The following RBBP6 variants were observed in gnomAD, a reference collection of about 807,000 sequenced individuals.
The protein encoded by RBBP6 is RB binding protein 6, ubiquitin ligase.
A neutral mutation model predicts 167.7 loss-of-function variants in RBBP6; 25 were observed. The observed-to-expected ratio is 0.15, with a 90% CI of 0.11 to 0.21. The LOEUF is 0.21. Among genes scored for constraint, RBBP6 ranks in the 10% least tolerant of loss-of-function variants. The pLI is 1.00. For synonymous variants in RBBP6, 789 were observed against 735.8 expected (o/e 1.07, Z -1.17); for missense variants, 1,868 against 2,134.2 (o/e 0.88, Z 2.46).
rs1899341484 is a variant in RBBP6, at chr16:24,571,668, T to C, written c.4602T>C (p.Ser1534=). 4 of 1,613,918 alleles carry C rather than the reference T, an allele frequency of 2.5e-6. No individual in the cohort carries two copies. The highest frequency in any genetic ancestry group is 3.4e-6 in the Non-Finnish European group (4 of 1,179,968). Residue 1534 remains serine, a synonymous_variant, in exon 18 of 18, where the codon TCT becomes TCC. Transcript: ENST00000319715. ...KGTGDSKKSN[S]SPSRDRKPHD... ...CAGGAGATTCCAAAAAAAGTAATTC[T>C]AGTCCCTCAAGAGACAGAAAACCTC... is the stretch of plus-strand genomic sequence containing the variant.
At position 24,562,035 on chromosome 16, in the gene RBBP6, C is replaced by G. The variant is rs1413216949; in HGVS notation, c.1163C>G (p.Thr388Ser). 1 of 1,612,936 alleles carries G rather than the reference C, an allele frequency of 6.2e-7. No homozygotes were observed. The highest frequency in any genetic ancestry group is 8.5e-7 in the Non-Finnish European group (1 of 1,178,882). Residue 388 changes from threonine (T) to serine (S), a missense_variant, in exon 10 of 18, where the codon ACT becomes AGT. Coordinates refer to ENST00000319715, the MANE Select transcript of RBBP6 (RefSeq NM_006910.5). ...THPAPSISSLTSNQSSLAPPV... is the reference protein window; with the variant it reads ...THPAPSISSLSSNQSSLAPPV... Reference sequence around the variant, plus strand: ...CCAGCTCCGTCTATATCTTCATTAACTTCTAATCAGTCTTCCTTGGCCCCT... The same window carrying G: ...CCAGCTCCGTCTATATCTTCATTAAGTTCTAATCAGTCTTCCTTGGCCCCT...
At chr16:24,540,898 C>T in intron 1 of RBBP6, 106 bp downstream of exon 1, 1 of 1,333,620 alleles carries the variant, frequency 7.5e-7, no homozygotes. Context: ...GGGGACTGTT[C>T]GTTCTAGTAC....
intron 10 of RBBP6, among the ~76,000 whole-genome samples, chr16:24,562,970 T>G (rs147277649): frequency 1.3e-5 from 2 of 151,744 alleles, no homozygotes; most frequent in East Asian, 3.9e-4. Context: ...CTGATTTCTG[T>G]CATAACTGTA....
intron 8 of RBBP6, 49 bp from the exon 9 acceptor site, chr16:24,561,563 C>CTT (rs34473709): frequency 6.8e-7 from 1 of 1,477,264 alleles, no homozygotes; most frequent in South Asian, 1.2e-5. Context: ...TTCGTAAACA[C>CTT]TTTGAGTTCC....
At chr16:24,567,553 TA>T in intron 15 of RBBP6, 48 bp downstream of exon 15, 1 of 1,527,454 alleles carries the variant, frequency 6.5e-7, no homozygotes. Flanking sequence ...CATTTTCTGA[TA>T]ATAACATTAA....
chr16:24,547,862 A>AT (rs1323366261), intron 2 of RBBP6, among the ~76,000 whole-genome samples: 3 of 152,286 alleles, frequency 2.0e-5, no homozygotes, highest in African/African-American at 7.2e-5. Context: ...TTTTCTGTAG[A>AT]TTTTTTGATA....
Position 24,569,762 on chromosome 16 carries a change from T to C in RBBP6, c.3072T>C (p.Asp1024=). The C allele has an allele frequency of 6.2e-7, 1 of 1,613,958 alleles. No homozygotes were observed. The highest frequency in any genetic ancestry group is 1.3e-5 in the African/African-American group (1 of 75,022). ...AKGDKTKRKN[D]GSAVSKKENI... ...GTGATAAAACCAAACGGAAGAATGA[T>C]GGATCTGCTGTGTCCAAAAAAGAAA... The change falls in exon 17 of 18, where the codon GAT becomes GAC. Residue 1024 remains aspartate, a synonymous_variant. Transcript: ENST00000319715.
chr16:24,556,458 A>G lies in RBBP6; in HGVS notation c.674+11A>G. 6.2e-7 allele frequency: 1 copy of G among 1,610,998 alleles called. No homozygotes were observed. Among genetic ancestry groups the G allele is most frequent in the Non-Finnish European group, 8.5e-7 (1 of 1,178,654 alleles). On this transcript the variant is annotated intron_variant, in intron 7 of 17. Transcript: ENST00000319715. ...ACCAACTATAGATGCGTAAGTATGC[A>G]AATTAGGTATGACCTGTGGAGACTC... is the stretch of plus-strand genomic sequence containing the variant.
At chr16:24,547,052 G>A (rs556599621) in intron 2 of RBBP6, among the ~76,000 whole-genome samples, 1 of 152,288 alleles carries the variant, frequency 6.6e-6, no homozygotes, top group South Asian at 2.1e-4. Context: ...TATGTGAAAA[G>A]GGCAGCAACA....
At chr16:24,556,584 T>TA in intron 7 of RBBP6, 137 bp downstream of exon 7, 1 of 1,003,832 alleles carries the variant, frequency 1.0e-6, no homozygotes, top group Non-Finnish European at 1.3e-6. Flanking sequence ...CTCTACATCT[T>TA]GCATTTCTGT....
Position 24,555,819 on chromosome 16 carries a change from A to T in RBBP6, c.438-2A>T. On this transcript the variant is annotated splice_acceptor_variant, in intron 5 of 17. Coordinates refer to ENST00000319715, the MANE Select transcript of RBBP6 (RefSeq NM_006910.5). LOFTEE classifies it high-confidence loss of function. ...ACATGTAATTTTTTTTCCCCCTTTT[A>T]GTTACATGAAGAAACCTCTAGGTCC... 6.2e-7 allele frequency: 1 copy of T among 1,603,254 alleles called. No homozygotes were observed. The highest frequency in any genetic ancestry group is 8.5e-7 in the Non-Finnish European group (1 of 1,170,362).
rs1293866223 is a variant in RBBP6, at chr16:24,561,899, A to G, written c.1027A>G (p.Ile343Val). Reference protein sequence around the residue: ...RKQLPPPPPPIPPPRPLIQRN... With the variant: ...RKQLPPPPPPVPPPRPLIQRN... ...ACAGTTACCTCCTCCACCACCCCCAATACCACCTCCGAGACCACTGATTCA... is the reference window on the plus strand; with the variant it reads ...ACAGTTACCTCCTCCACCACCCCCAGTACCACCTCCGAGACCACTGATTCA... Residue 343 changes from isoleucine to valine, a missense_variant, in exon 10 of 18, where the codon ATA becomes GTA. This residue lies in a region of RBBP6 where 245 missense variants were observed against 240.1 expected (regional missense o/e 1.02). Transcript: ENST00000319715. 12 of 1,613,972 alleles carry G rather than the reference A, an allele frequency of 7.4e-6. No individual in the cohort carries two copies. Among genetic ancestry groups the G allele is most frequent in the Middle Eastern group, 1.6e-4 (1 of 6,062 alleles).
intron 8 of RBBP6, among the ~76,000 whole-genome samples, chr16:24,560,059 T>G (rs1429080341): frequency 6.6e-6 from 1 of 152,042 alleles, no homozygotes; most frequent in East Asian, 1.9e-4. Flanking sequence ...TGTGAATAGC[T>G]TATCCTAATA....
chr16:24,556,113 A>G (rs1052412579), intron 6 of RBBP6, among the ~76,000 whole-genome samples, 195 bp from the exon 7 acceptor site: 2 of 152,206 alleles, frequency 1.3e-5, no homozygotes, highest in Non-Finnish European at 2.9e-5. Context: ...CTTGATCTCT[A>G]TAAGCCTGTT....
intron 15 of RBBP6, 119 bp downstream of exon 15, chr16:24,567,624 T>G: frequency 7.4e-7 from 1 of 1,359,780 alleles, no homozygotes. Context: ...CACCTAAAAT[T>G]TAAACCAAAG....
chr16:24,558,356 T>C (rs1898968171), intron 7 of RBBP6: 1 of 546,708 alleles, frequency 1.8e-6, no homozygotes, highest in Non-Finnish European at 2.3e-6. Context: ...TCTGTTTCTT[T>C]TTCTATCCTC....
At chr16:24,570,850 T>C in intron 17 of RBBP6, 26 bp from the exon 18 acceptor site, 1 of 1,394,422 alleles carries the variant, frequency 7.2e-7, no homozygotes, top group Non-Finnish European at 9.4e-7. Flanking sequence ...CTTCATTAAT[T>C]AAAAATATTT....
In RBBP6 at chr16:24,561,996, C is replaced by T. The variant is rs1351626730; in HGVS notation, c.1124C>T (p.Ser375Phe). The T allele has an allele frequency of 6.2e-7, 1 of 1,613,616 alleles. No individual in the cohort carries two copies. Among genetic ancestry groups the T allele is most frequent in the East Asian group, 2.2e-5 (1 of 44,878 alleles). Residue 375 changes from serine to phenylalanine, a missense_variant, in exon 10 of 18, where the codon TCT becomes TTT. Ser to Phe is a radical substitution (Grantham distance 155). This residue lies in a region of RBBP6 where 245 missense variants were observed against 240.1 expected (regional missense o/e 1.02). Transcript: ENST00000319715. ...QQDPLMIPVT[S>F]SSTHPAPSIS... The stretch of plus-strand genomic sequence containing the variant: ...GATCCTCTTATGATTCCAGTGACAT[C>T]TTCATCAACTCACCCAGCTCCGTCT...
chr16:24,572,259 AAAG>A lies in RBBP6; in HGVS notation c.5197_5199del (p.Lys1733del). ...GTCAGGACAGCAAGAAGAAGAAGAA[AAAG>A]AAGGAAAAGAAAAAACACAAGAAAC... is the stretch of plus-strand genomic sequence containing the variant. On this transcript the variant is annotated inframe_deletion, in exon 18 of 18. Transcript: ENST00000319715. 6.2e-7 allele frequency: 1 copy of A among 1,612,734 alleles called. No individual in the cohort carries two copies. The highest frequency in any genetic ancestry group is 8.5e-7 in the Non-Finnish European group (1 of 1,179,380).
Sources: gnomAD v4.1 joint callset for allele counts (sites outside exome capture counted in the v4.1 genomes callset) on GRCh38, gnomAD v4.1.1 for gene constraint, gnomAD v4.1.1 regional missense constraint, MANE v1.5 for transcripts, NCBI Gene and HGNC (gene_info 2026-07-23, HGNC 2026-07-21) for gene names.